BMP2K: variants seen among roughly 807,000 people sequenced by gnomAD.
BMP2K encodes BMP2 inducible kinase, also known as BMP-2-inducible protein kinase.
In BMP2K, 74 loss-of-function variants were observed where a neutral mutation model predicts 116.0. The observed-to-expected ratio is 0.64, with a 90% confidence interval of 0.53 to 0.77. The LOEUF is 0.77. BMP2K is among the 30% of genes least tolerant of loss of function. The pLI is 0.00. For missense variants in BMP2K, 1,365 were observed against 1,403.6 expected (o/e 0.97, Z 0.44); for synonymous variants, 486 against 502.5 (o/e 0.97, Z 0.44).
chr4:78,879,282 G>A, intron 14 of BMP2K: 1 of 998,890 alleles, frequency 1.0e-6, no homozygotes, highest in Non-Finnish European at 1.2e-6. Flanking sequence ...AAATATTGTG[G>A]GTCTGAGATG....
chr4:78,830,875 T>C (rs969000718), intron 2 of BMP2K, among the ~76,000 whole-genome samples: 3 of 152,234 alleles, frequency 2.0e-5, no homozygotes, highest in Non-Finnish European at 4.4e-5. Flanking sequence ...TAAAACTTTC[T>C]CCATGTCAGC....
At chr4:78,842,722 T>C (rs1254397902) in intron 4 of BMP2K, among the ~76,000 whole-genome samples, 195 bp downstream of exon 4, 1 of 152,090 alleles carries the variant, frequency 6.6e-6, no homozygotes, top group African/African-American at 2.4e-5. Flanking sequence ...ATTTCTAGCA[T>C]GGCTGTGGAG....
chr4:78,912,045 G>T lies in BMP2K; in HGVS notation c.*12G>T. On this transcript the variant is annotated 3_prime_UTR_variant, in exon 16 of 16. Transcript: ENST00000502613. ...CTTCTAAACAGTAGATACTTCTGATGGATTCTCGGCATTAACTCCTGTTTC... is the reference window on the plus strand; with the variant it reads ...CTTCTAAACAGTAGATACTTCTGATTGATTCTCGGCATTAACTCCTGTTTC... 1 of 1,573,402 alleles carries T rather than the reference G, an allele frequency of 6.4e-7. No homozygotes were observed. The highest frequency in any genetic ancestry group is 1.2e-5 in the South Asian group (1 of 85,082).
intron 15 of BMP2K, among the ~76,000 whole-genome samples, chr4:78,903,830 T>C (rs1734142971): frequency 6.6e-6 from 1 of 151,946 alleles, no homozygotes; most frequent in Non-Finnish European, 1.5e-5. Context: ...CATGTTTGTA[T>C]TTTGTAGTGT....
intron 1 of BMP2K, among the ~76,000 whole-genome samples, chr4:78,814,217 T>C (rs1434150801): frequency 6.6e-6 from 1 of 152,210 alleles, no homozygotes; most frequent in East Asian, 1.9e-4. Flanking sequence ...AAAAATGGCA[T>C]TTTCTTTTTC....
chr4:78,788,158 C>T (rs1727819241), intron 1 of BMP2K, among the ~76,000 whole-genome samples: 1 of 151,782 alleles, frequency 6.6e-6, no homozygotes, highest in Admixed American at 6.6e-5. Flanking sequence ...CACAGACTCT[C>T]TTCCGTTGAA....
chr4:78,890,257 G>A (rs1471872853), intron 15 of BMP2K, among the ~76,000 whole-genome samples: 1 of 151,690 alleles, frequency 6.6e-6, no homozygotes, highest in Non-Finnish European at 1.5e-5. Context: ...TTCACTTCTG[G>A]CATTTTAATA....
At chr4:78,827,593 C>T (rs1203975128) in intron 2 of BMP2K, among the ~76,000 whole-genome samples, 1 of 152,106 alleles carries the variant, frequency 6.6e-6, no homozygotes, top group Non-Finnish European at 1.5e-5. Flanking sequence ...CAGTGACCTT[C>T]CCAATCTGGA....
chr4:78,841,504 T>C lies in BMP2K; in HGVS notation c.404-881T>C, dbSNP rs557365539. ...TTTAGTCAATTATTTTGGTCCATTA[T>C]CTGTTATCTGGATAGAATTTACCTC... On this transcript the variant is annotated intron_variant, in intron 3 of 15. Coordinates refer to ENST00000502613, the MANE Select transcript of BMP2K (RefSeq NM_198892.2). Among the ~76,000 whole-genome samples, 5 of 152,330 alleles carry C rather than the reference T, an allele frequency of 3.3e-5. No homozygotes were observed. The East Asian group carries it at 9.6e-4, about 29-fold the overall frequency.
Position 78,796,057 on chromosome 4 carries a change from C to T in BMP2K, c.178+19336C>T, listed in dbSNP as rs554419709. ...CATTACTGGGTATATACCCAAAGGA[C>T]TATAAATCATGCTGCTATAAAGACA... On this transcript the variant is annotated intron_variant, in intron 1 of 15. Coordinates refer to ENST00000502613, the MANE Select transcript of BMP2K (RefSeq NM_198892.2). Among the ~76,000 whole-genome samples the T allele has an allele frequency of 3.0e-3, 458 of 152,042 alleles. 3 individuals carry two copies. Among genetic ancestry groups the T allele is most frequent in the African/African-American group, 8.8e-3 (363 of 41,468 alleles).
In BMP2K at chr4:78,826,105, G is replaced by A. The variant is rs1231060412; in HGVS notation, c.247G>A (p.Val83Ile). The change falls in exon 2 of 16, where the codon GTC becomes ATC. Residue 83 changes from valine to isoleucine, a missense_variant. Val to Ile is a conservative substitution (Grantham distance 29). Transcript: ENST00000502613. Reference sequence around the variant, plus strand: ...CCGATGTGCATTGAAGCGAATGTATGTCAATAACATGCCAGACCTCAATGT... The same window carrying A: ...CCGATGTGCATTGAAGCGAATGTATATCAATAACATGCCAGACCTCAATGT... ...GIRCALKRMYVNNMPDLNVCK... is the reference protein window; with the variant it reads ...GIRCALKRMYINNMPDLNVCK... 2 of 1,614,140 alleles carry A rather than the reference G, an allele frequency of 1.2e-6. No homozygotes were observed. The highest frequency in any genetic ancestry group is 1.1e-5 in the South Asian group (1 of 91,084).
intron 1 of BMP2K, among the ~76,000 whole-genome samples, chr4:78,813,490 CT>C (rs764444956): frequency 3.3e-5 from 5 of 152,218 alleles, no homozygotes; most frequent in Admixed American, 6.5e-5. Context: ...TTTGCATGAT[CT>C]GGCTCTCTGT....
At chr4:78,849,985 T>C (rs1210014380) in intron 6 of BMP2K, among the ~76,000 whole-genome samples, 3 of 151,764 alleles carry the variant, frequency 2.0e-5, no homozygotes, top group Non-Finnish European at 3.0e-5. Flanking sequence ...GCTGACTTGG[T>C]AATTTTTAGA....
chr4:78,878,497 A>G (rs990972835), intron 13 of BMP2K, among the ~76,000 whole-genome samples: 4 of 152,138 alleles, frequency 2.6e-5, no homozygotes, highest in Non-Finnish European at 5.9e-5. Context: ...AACTTGCCCA[A>G]GGGTACACAG....
Position 78,910,905 on chromosome 4 carries a change from T to A in BMP2K, c.2358T>A (p.Pro786=). 3.1e-6 allele frequency: 5 copies of A among 1,613,922 alleles called. No individual in the cohort carries two copies. Among genetic ancestry groups the A allele is most frequent in the Non-Finnish European group, 4.2e-6 (5 of 1,179,862 alleles). Residue 786 remains proline (P), a synonymous_variant, in exon 16 of 16, where the codon CCT becomes CCA. Transcript: ENST00000502613. ...DTEPENLGHR[P]LLMDSEDEEE... Reference sequence around the variant, plus strand: ...AACCAGAAAATCTGGGTCATAGGCCTCTCCTCATGGATTCTGAAGATGAGG... The same window carrying A: ...AACCAGAAAATCTGGGTCATAGGCCACTCCTCATGGATTCTGAAGATGAGG...
intron 1 of BMP2K, among the ~76,000 whole-genome samples, chr4:78,783,100 T>C (rs1434515008): frequency 6.6e-6 from 1 of 152,230 alleles, no homozygotes; most frequent in Non-Finnish European, 1.5e-5. Context: ...GACTTTATTA[T>C]ATATTTGGTA....
chr4:78,846,290 T>C (rs1356205505), intron 5 of BMP2K, among the ~76,000 whole-genome samples: 3 of 151,444 alleles, frequency 2.0e-5, no homozygotes, highest in African/African-American at 7.3e-5. Context: ...GGGGTGGGGG[T>C]ATAGTGAATA....
intron 14 of BMP2K, among the ~76,000 whole-genome samples, chr4:78,884,896 A>T (rs1033310842): frequency 6.6e-6 from 1 of 152,216 alleles, no homozygotes; most frequent in Non-Finnish European, 1.5e-5. Context: ...TTGCAGAAAG[A>T]TGTTATGGGA....
Position 78,911,019 on chromosome 4 carries a change from T to G in BMP2K, c.2472T>G (p.Ser824=), listed in dbSNP as rs1264038938. ...SDMSSVYRDR[S]GSGPTQDLNT... ...TGAGCTCTGTCTACAGAGACAGATC[T>G]GGCAGTGGACCAACCCAAGATCTTA... Residue 824 remains serine, a synonymous_variant, in exon 16 of 16, where the codon TCT becomes TCG. Transcript: ENST00000502613. 14 of 1,613,800 alleles carry G rather than the reference T, an allele frequency of 8.7e-6. No individual in the cohort carries two copies. The highest frequency in any genetic ancestry group is 1.1e-5 in the Non-Finnish European group (13 of 1,179,876).
Sources: gnomAD v4.1 joint callset for allele counts (sites outside exome capture counted in the v4.1 genomes callset) on GRCh38, gnomAD v4.1.1 for gene constraint, MANE v1.5 for transcripts, NCBI Gene and HGNC (gene_info 2026-07-23, HGNC 2026-07-21) for gene names.